ESRRB: variants seen among roughly 807,000 people sequenced by gnomAD.
ESRRB encodes the protein steroid hormone receptor ERR2.
A neutral mutation model predicts 46.0 loss-of-function variants in ESRRB; 16 were observed. The ratio of observed to expected loss-of-function variants is 0.35; its 90% CI spans 0.24 to 0.53. The LOEUF (loss-of-function observed/expected upper bound fraction) is 0.53. Ranked by LOEUF, ESRRB falls within the 20% of genes least tolerant of loss-of-function variation. The probability of loss-of-function intolerance (pLI) is 0.93; values close to 1 mark genes in which losing one functional copy is unlikely to be tolerated. For missense variants in ESRRB, 488 were observed against 607.4 expected (o/e 0.80, Z 2.07); for synonymous variants, 246 against 259.6 (o/e 0.95, Z 0.50).
intron 3 of ESRRB, among the ~76,000 whole-genome samples, chr14:76,480,184 C>G (rs1027876681): frequency 6.6e-6 from 1 of 152,108 alleles, no homozygotes. Context: ...AAACAGGAAG[C>G]CTGGGTGGGC....
At chr14:76,497,563 C>T (rs1440128520) in intron 6 of ESRRB, among the ~76,000 whole-genome samples, 3 of 152,204 alleles carry the variant, frequency 2.0e-5, no homozygotes, top group African/African-American at 4.8e-5. Flanking sequence ...CCCTATAGCT[C>T]CCTCCATCAC....
chr14:76,445,485 AG>A lies in ESRRB; in HGVS notation c.460+5736del, dbSNP rs1390830758. ...CCGTCTCAAAAAAAAAAAAAAAAAAAGAAAGAAAGAAAGAAAGAAAAGAAAA... is the reference window on the plus strand; with the variant it reads ...CCGTCTCAAAAAAAAAAAAAAAAAAAAAAGAAAGAAAGAAAGAAAAGAAAA... On this transcript the variant is annotated intron_variant, in intron 2 of 6. Transcript: ENST00000644823. Among the ~76,000 whole-genome samples the A allele has an allele frequency of 7.3e-3, 849 of 116,388 alleles. 3 individuals are homozygous for A. Among genetic ancestry groups the A allele is most frequent in the African/African-American group, 0.012 (270 of 23,228 alleles). 76.4% of individuals were successfully genotyped at this position (116,388 alleles called of 152,430 possible). A position where few individuals can be genotyped will look rare whatever the true frequency, so the allele number is the denominator to read the frequency against.
chr14:76,438,734 G>C (rs1202836948), intron 1 of ESRRB, among the ~76,000 whole-genome samples: 1 of 151,808 alleles, frequency 6.6e-6, no homozygotes, highest in Non-Finnish European at 1.5e-5. Flanking sequence ...CATTTTGGCT[G>C]ACTAGTTTCC....
At chr14:76,351,770 C>G (rs1884315566) in intron 1 of ESRRB, among the ~76,000 whole-genome samples, 1 of 151,934 alleles carries the variant, frequency 6.6e-6, no homozygotes, top group South Asian at 2.1e-4. Flanking sequence ...TCTCATAAAC[C>G]AACAAGAAAC....
At chr14:76,425,482 G>A (rs1196981897) in intron 1 of ESRRB, among the ~76,000 whole-genome samples, 1 of 151,938 alleles carries the variant, frequency 6.6e-6, no homozygotes, top group African/African-American at 2.4e-5. Flanking sequence ...AGCGCCCCTG[G>A]CTGTGTGGGG....
At chr14:76,426,717 C>A (rs1887217517) in intron 1 of ESRRB, among the ~76,000 whole-genome samples, 1 of 152,062 alleles carries the variant, frequency 6.6e-6, no homozygotes, top group African/African-American at 2.4e-5. Context: ...GAGTGTCAAG[C>A]ATGCAGTAGA....
At chr14:76,398,067 G>A (rs897350107) in intron 1 of ESRRB, among the ~76,000 whole-genome samples, 1 of 152,228 alleles carries the variant, frequency 6.6e-6, no homozygotes, top group African/African-American at 2.4e-5. Flanking sequence ...TAAACATGGG[G>A]CAGTGCCTCC....
intron 1 of ESRRB, among the ~76,000 whole-genome samples, chr14:76,355,200 A>G (rs917948794): frequency 2.6e-5 from 4 of 152,286 alleles, no homozygotes; most frequent in Middle Eastern, 3.4e-3. Flanking sequence ...TAGAGACCCA[A>G]GTAGGGCTCA....
At chr14:76,317,709 C>T (rs368231297) in intron 1 of ESRRB, among the ~76,000 whole-genome samples, 27 of 152,194 alleles carry the variant, frequency 1.8e-4, no homozygotes, top group African/African-American at 6.3e-4. Context: ...GGGTACCAGG[C>T]GGTCCAGCCC....
chr14:76,455,232 A>G (rs893986292), intron 2 of ESRRB, among the ~76,000 whole-genome samples: 1 of 151,976 alleles, frequency 6.6e-6, no homozygotes, highest in Admixed American at 6.6e-5. Context: ...AAATATATAT[A>G]TATGTTTTAT....
intron 1 of ESRRB, among the ~76,000 whole-genome samples, chr14:76,400,213 C>T (rs1477873658): frequency 3.3e-5 from 5 of 152,214 alleles, no homozygotes; most frequent in Admixed American, 6.5e-5. Flanking sequence ...ACTTCGTGTA[C>T]TGCCGTCCTT....
chr14:76,351,445 T>C (rs1884312260), intron 1 of ESRRB, among the ~76,000 whole-genome samples: 1 of 152,228 alleles, frequency 6.6e-6, no homozygotes, highest in Non-Finnish European at 1.5e-5. Context: ...TGTTGTAACA[T>C]GTCTGTGTCA....
intron 5 of ESRRB, among the ~76,000 whole-genome samples, chr14:76,485,661 A>AGAGAGAGAGAGAGAGAGAC: frequency 9.6e-6 from 1 of 104,280 alleles, no homozygotes; most frequent in East Asian, 3.3e-4. Context: ...GAGAGAGAGA[A>AGAGAGAGAGAGAGAGAGAC]AGAAAGAGAG....
chr14:76,364,143 T>A (rs753497680), intron 1 of ESRRB, among the ~76,000 whole-genome samples: 34 of 152,070 alleles, frequency 2.2e-4, no homozygotes, highest in Non-Finnish European at 4.4e-4. Context: ...ACAGGTACAG[T>A]GAAGAAGGGG....
At chr14:76,474,163 T>C (rs1035238695) in intron 3 of ESRRB, among the ~76,000 whole-genome samples, 3 of 152,358 alleles carry the variant, frequency 2.0e-5, no homozygotes, top group Middle Eastern at 6.8e-3. Flanking sequence ...TTCAGGGATT[T>C]TGTTTAATAC....
At chr14:76,388,935 G>A (rs560879094) in intron 1 of ESRRB, among the ~76,000 whole-genome samples, 25 of 152,176 alleles carry the variant, frequency 1.6e-4, no homozygotes, top group African/African-American at 5.5e-4. Flanking sequence ...CTTGGTGCCC[G>A]TCTTGGATTC....
chr14:76,403,207 G>C (rs937587370), intron 1 of ESRRB, among the ~76,000 whole-genome samples: 1 of 152,198 alleles, frequency 6.6e-6, no homozygotes, highest in Non-Finnish European at 1.5e-5. Context: ...TTAGGAACTA[G>C]TGTCTCATTT....
At chr14:76,363,279 C>T (rs1884485509) in intron 1 of ESRRB, among the ~76,000 whole-genome samples, 1 of 152,164 alleles carries the variant, frequency 6.6e-6, no homozygotes, top group Non-Finnish European at 1.5e-5. Flanking sequence ...CAAAGGGGAC[C>T]TCCTAATTTC....
intron 1 of ESRRB, among the ~76,000 whole-genome samples, chr14:76,382,763 G>A (rs1885066096): frequency 6.6e-6 from 1 of 151,986 alleles, no homozygotes; most frequent in African/African-American, 2.4e-5. Context: ...GTTTTCCTGG[G>A]GCTCAGAGAT....
Sources: allele counts gnomAD v4.1 joint callset (sites outside exome capture counted in the v4.1 genomes callset), GRCh38; gene constraint gnomAD v4.1.1; transcripts MANE v1.5; gene names NCBI Gene and HGNC (gene_info 2026-07-23, HGNC 2026-07-21).